CHCHD3: variants seen among roughly 807,000 people sequenced by gnomAD.
The protein encoded by CHCHD3 is MICOS complex subunit MIC19.
A neutral mutation model predicts 38.2 loss-of-function variants in CHCHD3; 20 were observed. The ratio of observed to expected loss-of-function variants is 0.52; its 90% CI spans 0.37 to 0.76. The LOEUF (loss-of-function observed/expected upper bound fraction) is 0.76. Among genes scored for constraint, CHCHD3 ranks in the 30% least tolerant of loss-of-function variants. The probability of loss-of-function intolerance (pLI) is 0.00; values close to 1 mark genes in which losing one functional copy is unlikely to be tolerated. For missense variants in CHCHD3, 245 were observed against 279.2 expected (o/e 0.88, Z 0.87); for synonymous variants, 82 against 100.0 (o/e 0.82, Z 1.07).
chr7:132,884,003 T>C (rs1809142470), intron 5 of CHCHD3, among the ~76,000 whole-genome samples: 1 of 152,184 alleles, frequency 6.6e-6, no homozygotes, highest in African/African-American at 2.4e-5. Context: ...TGGTCAGCTC[T>C]ACCTTTAAAA....
At chr7:132,984,611 A>C (rs1482447682) in intron 3 of CHCHD3, among the ~76,000 whole-genome samples, 2 of 147,124 alleles carry the variant, frequency 1.4e-5, no homozygotes, top group African/African-American at 5.1e-5. Context: ...CCCATCTAGG[A>C]AGTGAGGAGC....
chr7:132,891,285 G>A (rs1453502918), intron 4 of CHCHD3, among the ~76,000 whole-genome samples: 6 of 152,138 alleles, frequency 3.9e-5, no homozygotes, highest in African/African-American at 1.2e-4. Context: ...CTTCAGTAGG[G>A]TAACTCACCT....
chr7:132,964,669 T>G (rs1811412395), intron 4 of CHCHD3, among the ~76,000 whole-genome samples: 1 of 152,210 alleles, frequency 6.6e-6, no homozygotes, highest in Non-Finnish European at 1.5e-5. Context: ...CAGGTCCTTT[T>G]GTGTCTATAT....
chr7:132,837,661 T>C (rs1450273197), intron 6 of CHCHD3, among the ~76,000 whole-genome samples: 2 of 152,232 alleles, frequency 1.3e-5, no homozygotes, highest in Non-Finnish European at 2.9e-5. Context: ...CAGAGCCCGA[T>C]GCAATCTTTC....
intron 4 of CHCHD3, among the ~76,000 whole-genome samples, chr7:132,934,442 G>A (rs931669365): frequency 6.6e-6 from 1 of 152,214 alleles, no homozygotes; most frequent in Non-Finnish European, 1.5e-5. Flanking sequence ...AAATGCTGCA[G>A]TCCACAGTTC....
chr7:132,983,758 T>C (rs1378883726), intron 3 of CHCHD3, among the ~76,000 whole-genome samples: 1 of 152,018 alleles, frequency 6.6e-6, no homozygotes, highest in Non-Finnish European at 1.5e-5. Context: ...AAAAGTTGAA[T>C]TGCTTGGTAA....
At chr7:132,797,281 G>C (rs1020320846) in intron 6 of CHCHD3, among the ~76,000 whole-genome samples, 3 of 151,968 alleles carry the variant, frequency 2.0e-5, no homozygotes, top group African/African-American at 7.3e-5. Flanking sequence ...TGCTGCTCTT[G>C]CTTCTGGAAA....
At chr7:132,965,059 A>G (rs895700353) in intron 4 of CHCHD3, among the ~76,000 whole-genome samples, 44 of 148,542 alleles carry the variant, frequency 3.0e-4, no homozygotes, top group Non-Finnish European at 3.7e-4. Flanking sequence ...TATGGGTTTT[A>G]TGTGTGTGTG....
Position 132,788,059 on chromosome 7 carries a change from C to G in CHCHD3, c.661-2399G>C, listed in dbSNP as rs567242847. 2.0e-5 allele frequency among the ~76,000 whole-genome samples: 3 copies of G among 152,274 alleles called. No individual in the cohort carries two copies. Among genetic ancestry groups the G allele is most frequent in the African/African-American group, 7.2e-5 (3 of 41,556 alleles). ...TGTAAGAGACACCACCTGGCAGTGT[C>G]ACAGCGTCACAGCATCTCAGCTATG... On this transcript the variant is annotated intron_variant, in intron 7 of 7. Transcript: ENST00000262570. The surrounding 1 kb of genome is among the most constrained non-coding windows in gnomAD (Gnocchi z 4.0).
intron 6 of CHCHD3, chr7:132,815,720 T>A (rs1807185576): frequency 3.0e-6 from 1 of 335,446 alleles, no homozygotes; most frequent in African/African-American, 2.2e-5. Flanking sequence ...TCTTTTTTCC[T>A]TCTCTCTCTT....
At chr7:132,972,437 AC>A (rs1319655129) in intron 4 of CHCHD3, 1 of 404,888 alleles carries the variant, frequency 2.5e-6, no homozygotes, top group African/African-American at 2.2e-5. Flanking sequence ...TATAAACACA[AC>A]AAACCAAAAT....
At chr7:132,988,303 A>ACC (rs1334570097) in intron 3 of CHCHD3, among the ~76,000 whole-genome samples, 16 of 151,092 alleles carry the variant, frequency 1.1e-4, no homozygotes, top group Non-Finnish European at 2.1e-4. Flanking sequence ...ACACACACCC[A>ACC]CACACACACA....
At chr7:132,856,534 C>T (rs1808345959) in intron 5 of CHCHD3, among the ~76,000 whole-genome samples, 1 of 152,156 alleles carries the variant, frequency 6.6e-6, no homozygotes, top group Admixed American at 6.5e-5. Context: ...ATAGACATTA[C>T]AGGGCAAAGA....
intron 1 of CHCHD3, among the ~76,000 whole-genome samples, chr7:133,076,699 A>G (rs542153062): frequency 8.3e-4 from 127 of 152,304 alleles, no homozygotes; most frequent in Non-Finnish European, 2.8e-4. Flanking sequence ...CCAATCCAAA[A>G]GAAAGAATTT....
intron 4 of CHCHD3, among the ~76,000 whole-genome samples, chr7:132,903,911 A>T (rs1809730537): frequency 6.6e-6 from 1 of 152,192 alleles, no homozygotes; most frequent in Non-Finnish European, 1.5e-5. Context: ...ATGTAAAATC[A>T]TCTTAATGAC....
At chr7:132,894,853 G>T (rs920585758) in intron 4 of CHCHD3, among the ~76,000 whole-genome samples, 1 of 152,228 alleles carries the variant, frequency 6.6e-6, no homozygotes, top group Non-Finnish European at 1.5e-5. Context: ...TATTATGTAA[G>T]CTCTGAATTA....
intron 4 of CHCHD3, among the ~76,000 whole-genome samples, chr7:132,932,779 C>A (rs1404825600): frequency 6.6e-6 from 1 of 152,202 alleles, no homozygotes; most frequent in Non-Finnish European, 1.5e-5. Context: ...TCCACCTGAG[C>A]TCCTCTTCTA....
At chr7:132,931,802 G>A (rs1320655807) in intron 4 of CHCHD3, among the ~76,000 whole-genome samples, 1 of 152,116 alleles carries the variant, frequency 6.6e-6, no homozygotes, top group Non-Finnish European at 1.5e-5. Context: ...GGAAGAATGG[G>A]TTCGATGCTG....
intron 4 of CHCHD3, among the ~76,000 whole-genome samples, chr7:132,947,039 G>T (rs1229813038): frequency 6.6e-6 from 1 of 151,728 alleles, no homozygotes. Flanking sequence ...GGACCAATGA[G>T]TACTTATTTA....
Sources: allele counts gnomAD v4.1 joint callset (sites outside exome capture counted in the v4.1 genomes callset), GRCh38; gene constraint gnomAD v4.1.1; non-coding constraint Gnocchi (gnomAD v3.1); transcripts MANE v1.5; gene names NCBI Gene and HGNC (gene_info 2026-07-23, HGNC 2026-07-21).